Variants in GABRA3 observed in about 807,000 individuals in gnomAD.
The protein encoded by GABRA3 is gamma-aminobutyric acid type A receptor subunit alpha3.
Under a neutral mutation model 30.1 loss-of-function variants are expected in GABRA3, and 10 were observed. The ratio of observed to expected loss-of-function variants is 0.33; its 90% CI spans 0.20 to 0.56. The LOEUF (loss-of-function observed/expected upper bound fraction) is 0.56. Ranked by LOEUF, GABRA3 falls within the 20% of genes least tolerant of loss-of-function variation. The probability of loss-of-function intolerance (pLI) is 0.89; values close to 1 mark genes in which losing one functional copy is unlikely to be tolerated. For synonymous variants in GABRA3, 151 were observed against 146.8 expected (o/e 1.03, Z -0.21); for missense variants, 233 against 392.0 (o/e 0.59, Z 3.42).
chrX:152,344,948 T>A (rs1249207928), intron 3 of GABRA3, among the ~76,000 whole-genome samples: 1 of 112,017 alleles, frequency 8.9e-6, no homozygotes, highest in Non-Finnish European at 1.9e-5. Flanking sequence ...TTTTGTGAAT[T>A]TATAATAACC....
chrX:152,310,059 G>A (rs1468918972), intron 3 of GABRA3, among the ~76,000 whole-genome samples: 1 of 112,192 alleles, frequency 8.9e-6, no homozygotes, highest in Non-Finnish European at 1.9e-5. Flanking sequence ...TAATGGTAAA[G>A]GGTTCAATTC....
At chrX:152,379,888 A>T (rs1480764228) in intron 1 of GABRA3, among the ~76,000 whole-genome samples, 1 of 110,113 alleles carries the variant, frequency 9.1e-6, no homozygotes, top group Non-Finnish European at 1.9e-5. Context: ...CCCAGGCTGG[A>T]GTGCAGTGCC....
chrX:152,246,668 A>G (rs5970243), intron 5 of GABRA3, among the ~76,000 whole-genome samples: 11,999 of 110,945 alleles, frequency 0.11, 1,289 homozygotes, highest in East Asian at 0.38. Context: ...TTGACTGAGG[A>G]CTTACACCAT....
chrX:152,216,640 G>T (rs972050095), intron 6 of GABRA3, among the ~76,000 whole-genome samples: 6 of 109,466 alleles, frequency 5.5e-5, no homozygotes, highest in Non-Finnish European at 7.6e-5. Context: ...TGAGGCTGGG[G>T]AAGGAGAAGA....
intron 3 of GABRA3, among the ~76,000 whole-genome samples, chrX:152,309,716 C>T (rs890790938): frequency 9.0e-6 from 1 of 111,593 alleles, no homozygotes; most frequent in South Asian, 3.7e-4. Flanking sequence ...ACAATTAACA[C>T]TACAAAGCAA....
intron 5 of GABRA3, among the ~76,000 whole-genome samples, chrX:152,240,197 C>G (rs1305627300): frequency 2.9e-5 from 3 of 105,082 alleles, no homozygotes; most frequent in Admixed American, 1.0e-4. Flanking sequence ...CTGGTGGTGA[C>G]AAAATCTCTC....
At chrX:152,299,196 A>G (rs1939587142) in intron 3 of GABRA3, among the ~76,000 whole-genome samples, 1 of 112,187 alleles carries the variant, frequency 8.9e-6, no homozygotes, top group Non-Finnish European at 1.9e-5. Context: ...AAAAAGGAGT[A>G]AGTAATGTTG....
chrX:152,407,908 G>A (rs746730489), intron 1 of GABRA3, among the ~76,000 whole-genome samples: 1 of 111,393 alleles, frequency 9.0e-6, no homozygotes, highest in African/African-American at 3.3e-5. Flanking sequence ...ATAAAAGGAT[G>A]TTTCAACATA....
intron 1 of GABRA3, among the ~76,000 whole-genome samples, chrX:152,371,588 G>C (rs1364844141): frequency 9.3e-6 from 1 of 107,545 alleles, no homozygotes; most frequent in Non-Finnish European, 1.9e-5. Flanking sequence ...CGATCATTTT[G>C]AAAAAAAAAT....
intron 3 of GABRA3, among the ~76,000 whole-genome samples, chrX:152,333,347 A>G (rs996587686): frequency 3.6e-5 from 4 of 111,814 alleles, no homozygotes; most frequent in African/African-American, 1.3e-4. Flanking sequence ...ATCATATAAA[A>G]AAATTTACAA....
At chrX:152,208,584 G>A (rs936819533) in intron 6 of GABRA3, among the ~76,000 whole-genome samples, 12 of 111,656 alleles carry the variant, frequency 1.1e-4, no homozygotes, top group Non-Finnish European at 2.1e-4. Context: ...AAACCCCAGT[G>A]TTGGAAGTGG....
rs1009640951 is a variant in GABRA3, at chrX:152,170,922, A to G, written c.1144-2359T>C. The stretch of plus-strand genomic sequence containing the variant: ...TCACATTGTTACAAGTGGAAGGGGG[A>G]CAGAACTCTAAGGTTTCTAAAAACC... On this transcript the variant is annotated intron_variant, in intron 9 of 9. Transcript: ENST00000370314. Among the ~76,000 whole-genome samples, 8 of 111,609 alleles carry G rather than the reference A, an allele frequency of 7.2e-5. No individual in the cohort carries two copies. The Admixed American group carries it at 7.7e-4, about 11-fold the overall frequency.
chrX:152,355,993 C>G (rs1230141696), intron 2 of GABRA3, among the ~76,000 whole-genome samples: 1 of 111,496 alleles, frequency 9.0e-6, no homozygotes, highest in Non-Finnish European at 1.9e-5. Context: ...AGTCAATTTT[C>G]CTTTCTGGGC....
At chrX:152,423,867 G>A (rs148155800) in intron 1 of GABRA3, among the ~76,000 whole-genome samples, 246 of 111,140 alleles carry the variant, frequency 2.2e-3, no homozygotes, top group African/African-American at 7.1e-3. Context: ...GATAACAAAT[G>A]TAATATTACA....
intron 4 of GABRA3, among the ~76,000 whole-genome samples, chrX:152,259,420 C>A (rs1174175526): frequency 9.0e-6 from 1 of 111,536 alleles, no homozygotes; most frequent in Non-Finnish European, 1.9e-5. Flanking sequence ...GGAGTGCTGG[C>A]TTCATTCCTC....
intron 1 of GABRA3, among the ~76,000 whole-genome samples, chrX:152,379,272 C>T (rs765828250): frequency 9.3e-4 from 104 of 111,556 alleles, no homozygotes; most frequent in African/African-American, 3.0e-3. Flanking sequence ...CTTATCCTGC[C>T]ACATGCAATT....
At chrX:152,257,753 T>C in intron 4 of GABRA3, among the ~76,000 whole-genome samples, 1 of 112,247 alleles carries the variant, frequency 8.9e-6, no homozygotes, top group Non-Finnish European at 1.9e-5. Context: ...CTAGATCAAC[T>C]TAACTAGACA....
intron 1 of GABRA3, among the ~76,000 whole-genome samples, chrX:152,387,246 G>A (rs1224462269): frequency 6.4e-5 from 7 of 109,817 alleles, no homozygotes; most frequent in African/African-American, 2.0e-4. Context: ...ATGTGTACAT[G>A]TGTAACTAAG....
At chrX:152,256,406 C>T (rs1035823595) in intron 4 of GABRA3, among the ~76,000 whole-genome samples, 1 of 111,095 alleles carries the variant, frequency 9.0e-6, no homozygotes, top group African/African-American at 3.3e-5. Context: ...CGCCACAAAA[C>T]CAAAACCTTA....
Sources: allele counts gnomAD v4.1 joint callset (sites outside exome capture counted in the v4.1 genomes callset), GRCh38; gene constraint gnomAD v4.1.1; transcripts MANE v1.5; gene names NCBI Gene and HGNC (gene_info 2026-07-23, HGNC 2026-07-21).